FIG4: variants seen among roughly 807,000 people sequenced by gnomAD.
FIG4 encodes the protein FIG4 phosphoinositide 5-phosphatase.
FIG4 carries 112 observed loss-of-function variants against 118.6 expected under a neutral mutation model. The observed-to-expected ratio is 0.94, with a 90% CI of 0.81 to 1.11. The LOEUF is 1.11. Ranked by LOEUF, FIG4 falls within the 50% of genes least tolerant of loss-of-function variation. FIG4 has a pLI of 0.00. For synonymous variants in FIG4, 369 were observed against 381.2 expected (o/e 0.97, Z 0.37); for missense variants, 969 against 1,111.7 (o/e 0.87, Z 1.83).
intron 1 of FIG4, among the ~76,000 whole-genome samples, chr6:109,712,540 A>G (rs1412610221): frequency 6.6e-6 from 1 of 152,108 alleles, no homozygotes; most frequent in Non-Finnish European, 1.5e-5. Context: ...TTCTGCTATT[A>G]GTACTTGTGA....
Position 109,743,784 on chromosome 6 carries a change from T to G in FIG4, c.1137+12T>G, listed in dbSNP as rs373430290. The G allele has an allele frequency of 1.1e-5, 18 of 1,586,932 alleles. No homozygotes were observed. The highest frequency in any genetic ancestry group is 1.5e-5 in the Non-Finnish European group (17 of 1,155,970). On this transcript the variant is annotated intron_variant, in intron 10 of 22. Transcript: ENST00000230124. ...TGAATTTAGTGAAGGTATGATGTGC[T>G]CATCTGTTTGGTTATGAGATTCAGA... is the stretch of plus-strand genomic sequence containing the variant.
At chr6:109,755,743 A>C (rs1217084493) in intron 10 of FIG4, among the ~76,000 whole-genome samples, 1 of 152,186 alleles carries the variant, frequency 6.6e-6, no homozygotes, top group African/African-American at 2.4e-5. Context: ...GTTTTATCAG[A>C]GACTAGGATT....
intron 3 of FIG4, among the ~76,000 whole-genome samples, chr6:109,720,556 A>G (rs1227396140): frequency 6.6e-6 from 1 of 152,192 alleles, no homozygotes; most frequent in African/African-American, 2.4e-5. Flanking sequence ...CATATATCAC[A>G]TGTTGCAGAC....
At chr6:109,704,466 G>T (rs1228413052) in intron 1 of FIG4, among the ~76,000 whole-genome samples, 1 of 152,040 alleles carries the variant, frequency 6.6e-6, no homozygotes, top group Non-Finnish European at 1.5e-5. Context: ...GACCAGCCAG[G>T]CCAACATGGC....
Position 109,748,919 on chromosome 6 carries a change from C to T in FIG4, c.1137+5147C>T, listed in dbSNP as rs183542637. On this transcript the variant is annotated intron_variant, in intron 10 of 22. Coordinates refer to ENST00000230124, the MANE Select transcript of FIG4 (RefSeq NM_014845.6). ...CTCCACAACACGTGGGAATTATGGG[C>T]GCTACAATTCAAGATGAGATTTGAG... is the stretch of plus-strand genomic sequence containing the variant. Among the ~76,000 whole-genome samples, 90 of 152,086 alleles carry T rather than the reference C, an allele frequency of 5.9e-4. 1 individual carries two copies. In the East Asian group the frequency reaches 0.012, roughly 20 times the overall value.
chr6:109,728,378 C>G (rs969811390), intron 4 of FIG4, among the ~76,000 whole-genome samples: 1 of 151,946 alleles, frequency 6.6e-6, no homozygotes, highest in African/African-American at 2.4e-5. Context: ...TTATTGGAAC[C>G]TTGGAAACGT....
chr6:109,724,784 T>A (rs1349035712), intron 3 of FIG4, among the ~76,000 whole-genome samples: 3 of 151,558 alleles, frequency 2.0e-5, no homozygotes, highest in Non-Finnish European at 4.4e-5. Context: ...TGTAATTTCC[T>A]CTTCATTTTT....
chr6:109,738,268 T>A (rs560173751), intron 6 of FIG4, 57 bp from the exon 7 acceptor site: 3 of 1,441,534 alleles, frequency 2.1e-6, no homozygotes, highest in South Asian at 2.4e-5. Flanking sequence ...ACCTTTTTTT[T>A]AATTGATACA....
intron 22 of FIG4, among the ~76,000 whole-genome samples, chr6:109,797,082 T>A (rs573898357): frequency 3.9e-5 from 6 of 152,238 alleles, no homozygotes; most frequent in African/African-American, 1.4e-4. Flanking sequence ...TTTGGCATTG[T>A]TGGAGGCTTC....
intron 2 of FIG4, among the ~76,000 whole-genome samples, 199 bp downstream of exon 2, chr6:109,715,375 A>G (rs1357759135): frequency 6.6e-6 from 1 of 152,202 alleles, no homozygotes. Context: ...CGCCAGAATT[A>G]TACTTTGCCC....
chr6:109,755,427 G>C (rs917370678), intron 10 of FIG4, among the ~76,000 whole-genome samples: 1 of 152,184 alleles, frequency 6.6e-6, no homozygotes, highest in East Asian at 1.9e-4. Flanking sequence ...ATTTGGGGTG[G>C]AGAGTTCTGT....
chr6:109,760,874 A>G (rs1777084169), intron 11 of FIG4, among the ~76,000 whole-genome samples: 1 of 152,146 alleles, frequency 6.6e-6, no homozygotes, highest in African/African-American at 2.4e-5. Flanking sequence ...TGTGGCAGCC[A>G]AAGTCCCATC....
At chr6:109,696,983 T>C (rs1774742112) in intron 1 of FIG4, among the ~76,000 whole-genome samples, 1 of 152,116 alleles carries the variant, frequency 6.6e-6, no homozygotes, top group Non-Finnish European at 1.5e-5. Context: ...ACGCATGTAT[T>C]AAAATATCAC....
chr6:109,736,171 A>C (rs1282169922), intron 6 of FIG4, among the ~76,000 whole-genome samples: 1 of 152,102 alleles, frequency 6.6e-6, no homozygotes, highest in Non-Finnish European at 1.5e-5. Flanking sequence ...TGTGCAACTT[A>C]AATGATAGTG....
intron 14 of FIG4, among the ~76,000 whole-genome samples, chr6:109,765,842 C>T (rs1419824118): frequency 6.6e-6 from 1 of 152,086 alleles, no homozygotes; most frequent in African/African-American, 2.4e-5. Flanking sequence ...TGATACTGGT[C>T]ATCGGAAATT....
At chr6:109,731,345 C>T (rs944412230) in intron 4 of FIG4, among the ~76,000 whole-genome samples, 1 of 152,068 alleles carries the variant, frequency 6.6e-6, no homozygotes, top group African/African-American at 2.4e-5. Flanking sequence ...GTGTATCTGC[C>T]CTAGAGAAAC....
At chr6:109,814,238 A>G (rs185535518) in intron 22 of FIG4, among the ~76,000 whole-genome samples, 137 of 152,214 alleles carry the variant, frequency 9.0e-4, no homozygotes, top group African/African-American at 3.2e-3. Context: ...TGCCCGGCTC[A>G]AGCGATACTC....
chr6:109,796,877 G>A (rs1778303646), intron 22 of FIG4, 26 bp downstream of exon 22: 1 of 1,326,468 alleles, frequency 7.5e-7, no homozygotes, highest in African/African-American at 1.4e-5. Flanking sequence ...GATCTTTAAA[G>A]AAATCTTTGT....
At chr6:109,693,444 A>G (rs1774611170) in intron 1 of FIG4, among the ~76,000 whole-genome samples, 1 of 152,142 alleles carries the variant, frequency 6.6e-6, no homozygotes, top group East Asian at 1.9e-4. Context: ...AAGGAGCTCT[A>G]ACACAAAGAG....
Sources: allele counts gnomAD v4.1 joint callset (sites outside exome capture counted in the v4.1 genomes callset), GRCh38; gene constraint gnomAD v4.1.1; transcripts MANE v1.5; gene names NCBI Gene and HGNC (gene_info 2026-07-23, HGNC 2026-07-21).